ADGRL2: variants seen among roughly 807,000 people sequenced by gnomAD.
The protein encoded by ADGRL2 is adhesion G protein-coupled receptor L2, also known as calcium-independent alpha-latrotoxin receptor 2.
Under a neutral mutation model 157.4 loss-of-function variants are expected in ADGRL2, and 44 were observed. The observed-to-expected ratio is 0.28, with a 90% confidence interval of 0.22 to 0.36. ADGRL2 has a LOEUF of 0.36. Ranked by LOEUF, ADGRL2 falls within the 10% of genes least tolerant of loss-of-function variation. ADGRL2 has a pLI of 1.00. For synonymous variants in ADGRL2, 585 were observed against 624.7 expected, an observed-to-expected ratio of 0.94 and a Z score of 0.95; for missense variants, 1,510 against 1,768.9, an observed-to-expected ratio of 0.85 and a Z score of 2.63.
intron 2 of ADGRL2, among the ~76,000 whole-genome samples, chr1:81,505,820 G>A (rs988221252): frequency 2.5e-4 from 38 of 149,848 alleles, no homozygotes; most frequent in Non-Finnish European, 1.5e-4. Context: ...AAAAAAGCAC[G>A]TTTTTACTTT....
At chr1:81,709,890 A>C (rs921342446) in intron 1 of ADGRL2, among the ~76,000 whole-genome samples, 1 of 152,344 alleles carries the variant, frequency 6.6e-6, no homozygotes, top group South Asian at 2.1e-4. Context: ...TGAAAGAAGT[A>C]AAGTCAATTG....
chr1:81,524,860 G>A (rs1203992413), intron 2 of ADGRL2, among the ~76,000 whole-genome samples: 3 of 151,980 alleles, frequency 2.0e-5, no homozygotes, highest in Non-Finnish European at 4.4e-5. Flanking sequence ...AGCTATGATC[G>A]TGCCACTGCA....
chr1:81,926,073 G>T (rs905445820), intron 3 of ADGRL2, among the ~76,000 whole-genome samples: 1 of 151,866 alleles, frequency 6.6e-6, no homozygotes, highest in Non-Finnish European at 1.5e-5. Context: ...GTAATTAACA[G>T]ACCAGAAAAG....
chr1:81,432,442 G>T (rs1044699849), intron 1 of ADGRL2, among the ~76,000 whole-genome samples: 2 of 152,188 alleles, frequency 1.3e-5, no homozygotes, highest in Non-Finnish European at 2.9e-5. Context: ...GGATATTCTT[G>T]TTTAAGGACT....
In ADGRL2 at chr1:81,956,070, T is replaced by G; in HGVS notation, c.2017+10T>G. On this transcript the variant is annotated intron_variant, in intron 11 of 23. Coordinates refer to ENST00000686636, the MANE Select transcript of ADGRL2 (RefSeq NM_001366006.2). ...CCCACAGAAAATATTGGTAAGTGAA[T>G]CTACTGTCAAGTTTAATTTTGATTT... is the stretch of plus-strand genomic sequence containing the variant. 6.4e-7 allele frequency: 1 copy of G among 1,571,862 alleles called. No individual in the cohort carries two copies. The highest frequency in any genetic ancestry group is 2.3e-5 in the East Asian group (1 of 43,638).
chr1:81,644,084 T>A (rs1360972947), intron 3 of ADGRL2, among the ~76,000 whole-genome samples: 1 of 151,998 alleles, frequency 6.6e-6, no homozygotes, highest in African/African-American at 2.4e-5. Context: ...AGAAATATAG[T>A]CAACTGATCT....
chr1:81,563,762 C>T (rs993982846), intron 2 of ADGRL2, among the ~76,000 whole-genome samples: 28 of 152,184 alleles, frequency 1.8e-4, no homozygotes, highest in African/African-American at 6.3e-4. Context: ...AAAACAGGAA[C>T]ATCATATATA....
At chr1:81,561,722 A>T (rs1213228152) in intron 2 of ADGRL2, among the ~76,000 whole-genome samples, 1 of 151,892 alleles carries the variant, frequency 6.6e-6, no homozygotes, top group Non-Finnish European at 1.5e-5. Context: ...GGCCTCCCAA[A>T]GTGCTAGGAT....
intron 3 of ADGRL2, among the ~76,000 whole-genome samples, chr1:81,654,066 C>T (rs1383142607): frequency 6.6e-6 from 1 of 152,272 alleles, no homozygotes; most frequent in East Asian, 1.9e-4. Context: ...CTGCCTCAGC[C>T]TCCCAAGTAG....
intron 1 of ADGRL2, among the ~76,000 whole-genome samples, chr1:81,826,228 G>T (rs539089396): frequency 7.9e-5 from 12 of 152,208 alleles, no homozygotes; most frequent in African/African-American, 2.9e-4. Context: ...TAGTAGATGT[G>T]ATTTTCTTTT....
At chr1:81,556,981 A>G (rs939854961) in intron 2 of ADGRL2, 6 of 162,856 alleles carry the variant, frequency 3.7e-5, no homozygotes, top group Non-Finnish European at 3.8e-5. Context: ...CGAGAGACTG[A>G]GGCAGAGAAT....
rs1479352179 is a variant in ADGRL2, at chr1:81,966,935, C to T, written c.2349+326C>T. Among the ~76,000 whole-genome samples, 5 of 152,136 alleles carry T rather than the reference C, an allele frequency of 3.3e-5. No individual in the cohort carries two copies. The South Asian group carries it at 8.3e-4, about 25-fold the overall frequency. The stretch of plus-strand genomic sequence containing the variant: ...AATTAACCCTTACCTTACTTAGCAG[C>T]AGGATAGCTGAGTATTAACTCTTAG... On this transcript the variant is annotated intron_variant, in intron 13 of 23. Transcript: ENST00000686636.
At chr1:81,358,286 A>G (rs1315127723) in intron 1 of ADGRL2, among the ~76,000 whole-genome samples, 1 of 152,214 alleles carries the variant, frequency 6.6e-6, no homozygotes, top group African/African-American at 2.4e-5. Flanking sequence ...TTTTTCCCAC[A>G]TCATGTGAAT....
chr1:81,361,019 A>G (rs2075969431), intron 1 of ADGRL2, among the ~76,000 whole-genome samples: 1 of 151,886 alleles, frequency 6.6e-6, no homozygotes, highest in Non-Finnish European at 1.5e-5. Flanking sequence ...CAGCCCCCAT[A>G]AGAAGAAAGC....
chr1:81,697,677 T>G (rs1275525091), upstream of ADGRL2, among the ~76,000 whole-genome samples: 1 of 152,100 alleles, frequency 6.6e-6, no homozygotes, highest in Non-Finnish European at 1.5e-5. Flanking sequence ...CCCAAATAAT[T>G]AGAACAATGA....
At chr1:81,758,751 G>T (rs2085773506) in intron 1 of ADGRL2, among the ~76,000 whole-genome samples, 1 of 152,122 alleles carries the variant, frequency 6.6e-6, no homozygotes, top group Non-Finnish European at 1.5e-5. Context: ...GCTGCTTCAT[G>T]GCTTATGCCA....
At chr1:81,404,205 T>C (rs72713472) in intron 1 of ADGRL2, among the ~76,000 whole-genome samples, 1 of 152,280 alleles carries the variant, frequency 6.6e-6, no homozygotes, top group Non-Finnish European at 1.5e-5. Context: ...ATATACAGCA[T>C]ACCAACCCCC....
At chr1:81,854,512 A>C (rs941773920) in intron 2 of ADGRL2, among the ~76,000 whole-genome samples, 1 of 152,186 alleles carries the variant, frequency 6.6e-6, no homozygotes, top group African/African-American at 2.4e-5. Context: ...CTTATTATAA[A>C]ATTGGGAAAA....
At chr1:81,472,811 G>T (rs4650553) in intron 2 of ADGRL2, among the ~76,000 whole-genome samples, 118,949 of 152,092 alleles carry the variant, frequency 0.78, 49,817 homozygotes, top group Non-Finnish European at 0.95. Context: ...GCTTTAAGAA[G>T]ATTCTTTTTC....
Sources: gnomAD v4.1 joint callset for allele counts (sites outside exome capture counted in the v4.1 genomes callset) on GRCh38, gnomAD v4.1.1 for gene constraint, MANE v1.5 for transcripts, NCBI Gene and HGNC (gene_info 2026-07-23, HGNC 2026-07-21) for gene names.